The following LAPTM4B variants were observed in gnomAD, a reference collection of about 807,000 sequenced individuals.
LAPTM4B encodes lysosomal-associated transmembrane protein 4B.
Under a neutral mutation model 28.5 loss-of-function variants are expected in LAPTM4B, and 26 were observed. The observed-to-expected ratio is 0.91, with a 90% CI of 0.67 to 1.27. LAPTM4B has a LOEUF of 1.27. LAPTM4B is among the 50% of genes most tolerant of loss of function. LAPTM4B has a pLI of 0.00. For missense variants in LAPTM4B, 288 were observed against 285.8 expected, an observed-to-expected ratio of 1.01 and a Z score of -0.06; for synonymous variants, 109 against 106.4, an observed-to-expected ratio of 1.02 and a Z score of -0.15.
intron 6 of LAPTM4B, among the ~76,000 whole-genome samples, chr8:97,839,111 G>A (rs1488351175): frequency 6.6e-6 from 1 of 152,142 alleles, no homozygotes; most frequent in Admixed American, 6.6e-5. Context: ...CTGTAATTCT[G>A]AGGTTCAGGC....
intron 6 of LAPTM4B, among the ~76,000 whole-genome samples, chr8:97,850,474 G>GTGTGTGTGTGTGTGTGTA (rs150321926): frequency 0.062 from 9,013 of 146,312 alleles, 438 homozygotes; most frequent in African/African-American, 0.1. Context: ...GGGTGTGTGT[G>GTGTGTGTGTGTGTGTGTA]TGTGTGTGTG....
intron 1 of LAPTM4B, among the ~76,000 whole-genome samples, chr8:97,783,961 T>C (rs1400837016): frequency 6.6e-6 from 1 of 152,234 alleles, no homozygotes; most frequent in Non-Finnish European, 1.5e-5. Context: ...GATCAAACCT[T>C]CAGAAGTTGT....
intron 1 of LAPTM4B, among the ~76,000 whole-genome samples, chr8:97,802,629 AC>A (rs976233181): frequency 3.3e-5 from 5 of 152,036 alleles, no homozygotes; most frequent in African/African-American, 4.8e-5. Flanking sequence ...AGAAGGCCTA[AC>A]CTCCTGGAAG....
Position 97,852,618 on chromosome 8 carries a change from G to A in LAPTM4B, c.*1144G>A, listed in dbSNP as rs1477817526. Reference sequence around the variant, plus strand: ...ACATCCAAGATGACCTTGTGATTTTGTGCTGATTGTGTCTGAGGACCTTTC... The same window carrying A: ...ACATCCAAGATGACCTTGTGATTTTATGCTGATTGTGTCTGAGGACCTTTC... On this transcript the variant is annotated 3_prime_UTR_variant, in exon 7 of 7. Coordinates refer to ENST00000521545, the MANE Select transcript of LAPTM4B (RefSeq NM_018407.6). 3 of 148,094 alleles carry A rather than the reference G, an allele frequency of 2.0e-5. No homozygotes were observed. The highest frequency in any genetic ancestry group is 4.4e-5 in the Non-Finnish European group (3 of 68,926). 9.2% of individuals were successfully genotyped at this position (148,094 alleles called of 1,614,324 possible). A position where few individuals can be genotyped will look rare whatever the true frequency, so the allele number is the denominator to read the frequency against.
Position 97,782,279 on chromosome 8 carries a change from C to CTTTTTTT in LAPTM4B, c.99+6192_99+6198dup, listed in dbSNP as rs34322160. On this transcript the variant is annotated intron_variant, in intron 1 of 6. Coordinates refer to ENST00000521545, the MANE Select transcript of LAPTM4B (RefSeq NM_018407.6). ...TACAGGCCTGAGCCACCATGCCCAGCTTTTTTTTTTTTTTTTTTTTTTTTT... is the reference window on the plus strand; with the variant it reads ...TACAGGCCTGAGCCACCATGCCCAGCTTTTTTTTTTTTTTTTTTTTTTTTTTTTTTTT... Among the ~76,000 whole-genome samples, 25 of 50,254 alleles carry CTTTTTTT rather than the reference C, an allele frequency of 5.0e-4. 3 individuals carry two copies. In the East Asian group the frequency reaches 7.3e-3, roughly 15 times the overall value. The allele number at this position is 50,254 out of a possible 152,430, so 33.0% of individuals were successfully genotyped here. A position where few individuals can be genotyped will look rare whatever the true frequency, so the allele number is the denominator to read the frequency against.
chr8:97,837,337 C>T (rs1817278129), intron 6 of LAPTM4B, among the ~76,000 whole-genome samples: 1 of 151,972 alleles, frequency 6.6e-6, no homozygotes, highest in Non-Finnish European at 1.5e-5. Context: ...GGACTACAGG[C>T]ACATGCCACT....
chr8:97,832,886 A>C (rs1294626784), intron 6 of LAPTM4B, among the ~76,000 whole-genome samples: 1 of 149,012 alleles, frequency 6.7e-6, no homozygotes, highest in Non-Finnish European at 1.5e-5. Context: ...TTTTGTTTTT[A>C]GTAGCAAAGG....
At position 97,791,564 on chromosome 8, in the gene LAPTM4B, C is replaced by G. The variant is rs76683580; in HGVS notation, c.100-13789C>G. Among the ~76,000 whole-genome samples, 149 of 152,290 alleles carry G rather than the reference C, an allele frequency of 9.8e-4. 2 individuals are homozygous for G. The East Asian group carries it at 0.027, about 27-fold the overall frequency. ...CTGGTGTGGCAGATCGTTTTGCACG[C>G]TAGCCCCTTGTCAGATTGGGAGTGC... On this transcript the variant is annotated intron_variant, in intron 1 of 6. Coordinates refer to ENST00000521545, the MANE Select transcript of LAPTM4B (RefSeq NM_018407.6).
At chr8:97,843,809 A>AAATC (rs967884072) in intron 6 of LAPTM4B, among the ~76,000 whole-genome samples, 4 of 142,120 alleles carry the variant, frequency 2.8e-5, no homozygotes, top group African/African-American at 1.1e-4. Context: ...ATAAATAAAT[A>AAATC]AATAAATCAT....
chr8:97,818,218 T>C (rs540508646), intron 4 of LAPTM4B, among the ~76,000 whole-genome samples: 1 of 152,320 alleles, frequency 6.6e-6, no homozygotes, highest in South Asian at 2.1e-4. Context: ...CTGAAAACCA[T>C]TAGGTGGTGT....
chr8:97,799,056 G>T (rs889771475), intron 1 of LAPTM4B, among the ~76,000 whole-genome samples: 8 of 152,086 alleles, frequency 5.3e-5, no homozygotes, highest in Non-Finnish European at 8.8e-5. Context: ...GTCAGTTACT[G>T]TATCTCTAGT....
chr8:97,780,383 C>T (rs541979669), intron 1 of LAPTM4B, among the ~76,000 whole-genome samples: 2 of 152,068 alleles, frequency 1.3e-5, no homozygotes, highest in Non-Finnish European at 2.9e-5. Context: ...TGAGATCGTG[C>T]GATTGCACTC....
chr8:97,834,505 G>A (rs1817232227), intron 6 of LAPTM4B, among the ~76,000 whole-genome samples: 1 of 152,060 alleles, frequency 6.6e-6, no homozygotes, highest in Non-Finnish European at 1.5e-5. Flanking sequence ...GCCACTTGGA[G>A]TCTCTTCAAG....
At chr8:97,801,245 C>T (rs1816674653) in intron 1 of LAPTM4B, among the ~76,000 whole-genome samples, 1 of 149,150 alleles carries the variant, frequency 6.7e-6, no homozygotes, top group Admixed American at 6.8e-5. Flanking sequence ...ATGGTGCCAT[C>T]TCAGCTCACT....
chr8:97,791,205 T>G (rs555043103), intron 1 of LAPTM4B, among the ~76,000 whole-genome samples: 2 of 152,198 alleles, frequency 1.3e-5, no homozygotes, highest in Non-Finnish European at 2.9e-5. Flanking sequence ...CATGCCTGGT[T>G]GATACTTTTT....
rs745498430 is a variant in LAPTM4B, at chr8:97,775,799, T to C, written c.-211T>C. On this transcript the variant is annotated 5_prime_UTR_variant, in exon 1 of 7. Coordinates refer to ENST00000521545, the MANE Select transcript of LAPTM4B (RefSeq NM_018407.6). ...CCCGCCCCCTCCCCGTCCCCGCCGCTGCAGCGGTCGCCTTCGGAGCGAAGG... is the reference window on the plus strand; with the variant it reads ...CCCGCCCCCTCCCCGTCCCCGCCGCCGCAGCGGTCGCCTTCGGAGCGAAGG... 6 of 1,574,106 alleles carry C rather than the reference T, an allele frequency of 3.8e-6. No individual in the cohort carries two copies. The highest frequency in any genetic ancestry group is 2.3e-5 in the East Asian group (1 of 43,300).
At chr8:97,815,992 G>A in intron 3 of LAPTM4B, 66 bp from the exon 4 acceptor site, 6 of 1,139,704 alleles carry the variant, frequency 5.3e-6, no homozygotes, top group Non-Finnish European at 6.0e-6. Context: ...AAAATACTTT[G>A]AATTTAAGAA....
chr8:97,800,790 C>T (rs1816664817), intron 1 of LAPTM4B, among the ~76,000 whole-genome samples: 1 of 152,036 alleles, frequency 6.6e-6, no homozygotes, highest in African/African-American at 2.4e-5. Flanking sequence ...GCCACTGTGC[C>T]CAGCCCCGTT....
intron 6 of LAPTM4B, among the ~76,000 whole-genome samples, chr8:97,832,623 G>A (rs1043995814): frequency 2.0e-5 from 3 of 151,636 alleles, no homozygotes; most frequent in Admixed American, 1.3e-4. Context: ...GAAATATCAG[G>A]GTAGACCACC....
Sources: gnomAD v4.1 joint callset for allele counts (sites outside exome capture counted in the v4.1 genomes callset) on GRCh38, gnomAD v4.1.1 for gene constraint, MANE v1.5 for transcripts, NCBI Gene and HGNC (gene_info 2026-07-23, HGNC 2026-07-21) for gene names.